Variants in CYP7B1 observed in about 807,000 individuals in gnomAD.
CYP7B1 encodes cytochrome P450 family 7 subfamily B member 1.
A neutral mutation model predicts 42.7 loss-of-function variants in CYP7B1; 29 were observed. The observed-to-expected ratio is 0.68, with a 90% CI of 0.51 to 0.93. The LOEUF is 0.93. Among genes scored for constraint, CYP7B1 ranks in the 40% least tolerant of loss-of-function variants. The pLI, the probability that CYP7B1 is intolerant of heterozygous loss-of-function variation, is 0.00. For synonymous variants in CYP7B1, 235 were observed against 218.2 expected, an observed-to-expected ratio of 1.08 and a Z score of -0.68; for missense variants, 655 against 600.5, an observed-to-expected ratio of 1.09 and a Z score of -0.95.
At chr8:64,777,050 T>C (rs1465407130) in intron 1 of CYP7B1, among the ~76,000 whole-genome samples, 1 of 152,040 alleles carries the variant, frequency 6.6e-6, no homozygotes, top group East Asian at 1.9e-4. Flanking sequence ...GTGCATGCTT[T>C]TTTCTTGTTA....
chr8:64,613,887 G>A (rs1805396107), intron 4 of CYP7B1, among the ~76,000 whole-genome samples: 2 of 152,104 alleles, frequency 1.3e-5, no homozygotes, highest in Admixed American at 1.3e-4. Flanking sequence ...GGTGAACATT[G>A]ACCAAACCTG....
At chr8:64,744,609 T>C (rs1807616568) in intron 1 of CYP7B1, among the ~76,000 whole-genome samples, 2 of 152,224 alleles carry the variant, frequency 1.3e-5, no homozygotes, top group South Asian at 4.1e-4. Flanking sequence ...AGTCTTATCC[T>C]GGCCCCTTAC....
intron 4 of CYP7B1, among the ~76,000 whole-genome samples, chr8:64,612,164 C>G (rs991172653): frequency 3.3e-5 from 5 of 151,878 alleles, no homozygotes; most frequent in African/African-American, 1.2e-4. Context: ...ATATCTAAAC[C>G]CGCAGTTCTA....
At chr8:64,682,849 T>C (rs1161174836) in intron 1 of CYP7B1, among the ~76,000 whole-genome samples, 1 of 152,182 alleles carries the variant, frequency 6.6e-6, no homozygotes, top group African/African-American at 2.4e-5. Context: ...GGAGGTCTAT[T>C]AACATCTTAA....
At chr8:64,673,093 C>T (rs1016022075) in intron 1 of CYP7B1, among the ~76,000 whole-genome samples, 2 of 152,090 alleles carry the variant, frequency 1.3e-5, no homozygotes, top group Non-Finnish European at 2.9e-5. Context: ...CTTGTCTCCC[C>T]CTTTGCTCTA....
intron 1 of CYP7B1, among the ~76,000 whole-genome samples, chr8:64,776,621 G>C (rs770545822): frequency 2.6e-5 from 4 of 152,240 alleles, no homozygotes; most frequent in Middle Eastern, 3.4e-3. Context: ...ATGTGCTTTA[G>C]CAAGGGGTGG....
intron 1 of CYP7B1, among the ~76,000 whole-genome samples, chr8:64,668,246 C>T (rs1806311702): frequency 6.6e-6 from 1 of 152,110 alleles, no homozygotes; most frequent in South Asian, 2.1e-4. Flanking sequence ...TTTCATCACT[C>T]ACACGCTATT....
intron 1 of CYP7B1, among the ~76,000 whole-genome samples, chr8:64,653,722 T>G (rs775151648): frequency 6.6e-6 from 1 of 152,172 alleles, no homozygotes; most frequent in Non-Finnish European, 1.5e-5. Context: ...GTCAATATCC[T>G]TGATGAACAT....
At chr8:64,623,445 C>T (rs1251033249) in intron 2 of CYP7B1, among the ~76,000 whole-genome samples, 1 of 152,204 alleles carries the variant, frequency 6.6e-6, no homozygotes, top group Non-Finnish European at 1.5e-5. Context: ...CATCCAGTTC[C>T]CATCCAGAGT....
rs748070308 is a variant in CYP7B1, at chr8:64,615,173, C to T, written c.910G>A (p.Ala304Thr). 2.3e-5 allele frequency: 37 copies of T among 1,613,406 alleles called. No individual in the cohort carries two copies. Among genetic ancestry groups the T allele is most frequent in the Middle Eastern group, 3.3e-4 (2 of 6,084 alleles). Residue 304 changes from alanine to threonine, a missense_variant, in exon 4 of 6, where the codon GCA becomes ACA. By Grantham distance (58) the Ala-to-Thr change is moderately conservative. Transcript: ENST00000310193. ...VANTIPTMFW[A>T]MYYLLRHPEA... ...GGGTGCCGCAGAAGATAATACATTG[C>T]CCAGAACATAGTTGGAATAGTGTTT...
intron 1 of CYP7B1, among the ~76,000 whole-genome samples, chr8:64,651,353 A>T (rs1197608130): frequency 6.6e-6 from 1 of 152,210 alleles, no homozygotes; most frequent in Non-Finnish European, 1.5e-5. Context: ...AATGTTGGAG[A>T]AGTGGATGAA....
chr8:64,772,578 TAC>T (rs1471709027), intron 1 of CYP7B1, among the ~76,000 whole-genome samples: 4 of 152,140 alleles, frequency 2.6e-5, no homozygotes, highest in Non-Finnish European at 5.9e-5. Flanking sequence ...GCCAATTTCT[TAC>T]AGTTTTCTTA....
intron 1 of CYP7B1, among the ~76,000 whole-genome samples, chr8:64,736,641 G>A (rs1298748137): frequency 2.0e-5 from 3 of 151,884 alleles, no homozygotes; most frequent in Admixed American, 6.6e-5. Flanking sequence ...AGTAGAGATG[G>A]GGTTTCACCA....
At chr8:64,632,336 A>G (rs1360698787) in intron 1 of CYP7B1, among the ~76,000 whole-genome samples, 1 of 152,168 alleles carries the variant, frequency 6.6e-6, no homozygotes, top group Non-Finnish European at 1.5e-5. Flanking sequence ...CAAACACTAC[A>G]TGATTCCACT....
At chr8:64,746,958 C>A (rs542405390) in intron 1 of CYP7B1, among the ~76,000 whole-genome samples, 1 of 151,514 alleles carries the variant, frequency 6.6e-6, no homozygotes, top group Admixed American at 6.6e-5. Flanking sequence ...AATCTAAATA[C>A]AAAGTATGAT....
intron 1 of CYP7B1, among the ~76,000 whole-genome samples, chr8:64,724,336 G>A (rs1053847488): frequency 9.9e-5 from 15 of 151,952 alleles, no homozygotes; most frequent in African/African-American, 3.1e-4. Flanking sequence ...TAGTACAGAC[G>A]GGGTTTCACC....
chr8:64,774,615 G>A (rs1804290543), intron 1 of CYP7B1, among the ~76,000 whole-genome samples: 1 of 152,280 alleles, frequency 6.6e-6, no homozygotes, highest in South Asian at 2.1e-4. Flanking sequence ...TGTGAACATT[G>A]GGAGAGGGGT....
intron 1 of CYP7B1, among the ~76,000 whole-genome samples, chr8:64,663,738 A>G (rs562652445): frequency 8.0e-6 from 1 of 125,342 alleles, no homozygotes; most frequent in East Asian, 2.2e-4. Context: ...GACAGACAGG[A>G]CAAGGAAAGA....
chr8:64,599,476 C>T (rs1237655116), intron 5 of CYP7B1, among the ~76,000 whole-genome samples: 1 of 152,220 alleles, frequency 6.6e-6, no homozygotes, highest in Non-Finnish European at 1.5e-5. Flanking sequence ...GTGTGAGCCA[C>T]TGTGTCCGGC....
Sources: gnomAD v4.1 joint callset for allele counts (sites outside exome capture counted in the v4.1 genomes callset) on GRCh38, gnomAD v4.1.1 for gene constraint, MANE v1.5 for transcripts, NCBI Gene and HGNC (gene_info 2026-07-23, HGNC 2026-07-21) for gene names.